ZNF831: variants seen among roughly 807,000 people sequenced by gnomAD.
The protein encoded by ZNF831 is chromosome 20 open reading frame 174.
ZNF831 carries 59 observed loss-of-function variants against 95.8 expected under a neutral mutation model. The observed-to-expected ratio is 0.62, with a 90% confidence interval of 0.50 to 0.77. The LOEUF (loss-of-function observed/expected upper bound fraction) is 0.77, where lower values mean the gene tolerates loss of function less well. Ranked by LOEUF, ZNF831 falls within the 30% of genes least tolerant of loss-of-function variation. The probability of loss-of-function intolerance (pLI) is 0.00; values close to 1 mark genes in which losing one functional copy is unlikely to be tolerated. For missense variants in ZNF831, 2,205 were observed against 2,164.0 expected, an observed-to-expected ratio of 1.02 and a Z score of -0.38; for synonymous variants, 961 against 925.5, an observed-to-expected ratio of 1.04 and a Z score of -0.70.
chr20:59,184,934 G>C (rs1247701294), intron 1 of ZNF831, among the ~76,000 whole-genome samples: 1 of 152,138 alleles, frequency 6.6e-6, no homozygotes, highest in African/African-American at 2.4e-5. Flanking sequence ...GTTTGTGGGG[G>C]GGAATTGGGA....
chr20:59,186,880 C>A (rs1337244333), intron 1 of ZNF831, among the ~76,000 whole-genome samples: 1 of 151,072 alleles, frequency 6.6e-6, no homozygotes, highest in South Asian at 2.1e-4. Context: ...GTGCAATGGT[C>A]TTCTGGGTCC....
chr20:59,241,894 C>T (rs1185715733), intron 4 of ZNF831, among the ~76,000 whole-genome samples: 2 of 152,210 alleles, frequency 1.3e-5, no homozygotes, highest in South Asian at 2.1e-4. Context: ...AAAGTACAAT[C>T]GCCTAAGTAC....
At chr20:59,186,288 C>T (rs1983027348) in intron 1 of ZNF831, among the ~76,000 whole-genome samples, 1 of 152,198 alleles carries the variant, frequency 6.6e-6, no homozygotes, top group Non-Finnish European at 1.5e-5. Context: ...CAGGAACCCA[C>T]CCCGAGACAG....
chr20:59,246,287 A>G (rs1987605778), intron 4 of ZNF831, among the ~76,000 whole-genome samples: 1 of 152,154 alleles, frequency 6.6e-6, no homozygotes, highest in African/African-American at 2.4e-5. Context: ...ACTATCCCCA[A>G]AGCTATGAAG....
chr20:59,211,049 G>GAAAAAACAAAACAA (rs1985286177), intron 4 of ZNF831, among the ~76,000 whole-genome samples: 6 of 60,732 alleles, frequency 9.9e-5, no homozygotes, highest in African/African-American at 5.8e-4. Flanking sequence ...CAAAAAAAAA[G>GAAAAAACAAAACAA]AAAAAAAAAA....
intron 2 of ZNF831, among the ~76,000 whole-genome samples, chr20:59,156,248 G>A (rs554925405): frequency 8.5e-5 from 13 of 152,266 alleles, no homozygotes; most frequent in Admixed American, 7.8e-4. Context: ...TTTTAAGTAC[G>A]TGGGCTGACT....
chr20:59,222,189 C>G (rs1171929961), intron 4 of ZNF831, among the ~76,000 whole-genome samples: 1 of 152,238 alleles, frequency 6.6e-6, no homozygotes, highest in African/African-American at 2.4e-5. Flanking sequence ...AGGAAGCGAT[C>G]AACGCAGAGC....
intron 1 of ZNF831, among the ~76,000 whole-genome samples, chr20:59,124,076 G>A (rs1979087365): frequency 6.6e-6 from 1 of 152,170 alleles, no homozygotes; most frequent in African/African-American, 2.4e-5. Context: ...GGACAAGGTG[G>A]GGTGGACTCC....
At chr20:59,147,508 T>C (rs1979936088) in intron 2 of ZNF831, among the ~76,000 whole-genome samples, 1 of 152,232 alleles carries the variant, frequency 6.6e-6, no homozygotes, top group Non-Finnish European at 1.5e-5. Context: ...CAAGGGAGAA[T>C]TGCAATTGTT....
chr20:59,164,499 T>C (rs1022096213), intron 1 of ZNF831, among the ~76,000 whole-genome samples: 2 of 151,792 alleles, frequency 1.3e-5, no homozygotes, highest in Non-Finnish European at 1.5e-5. Flanking sequence ...TTATAAACTG[T>C]TTTTTTTCCC....
At chr20:59,212,679 G>C (rs1038295077) in intron 4 of ZNF831, among the ~76,000 whole-genome samples, 3 of 152,138 alleles carry the variant, frequency 2.0e-5, no homozygotes, top group Admixed American at 2.0e-4. Flanking sequence ...AGTCATTGAT[G>C]TACCAGGGAA....
intron 4 of ZNF831, among the ~76,000 whole-genome samples, chr20:59,244,859 C>T (rs1303649976): frequency 2.0e-5 from 3 of 152,176 alleles, no homozygotes; most frequent in African/African-American, 7.2e-5. Flanking sequence ...ATCTGTTCAT[C>T]CCTTCCTTTA....
intron 2 of ZNF831, among the ~76,000 whole-genome samples, chr20:59,149,497 A>C (rs1318546394): frequency 6.6e-6 from 1 of 152,238 alleles, no homozygotes; most frequent in Non-Finnish European, 1.5e-5. Flanking sequence ...TTTGCATTGT[A>C]TCTTAAAGAT....
upstream of ZNF831, among the ~76,000 whole-genome samples, chr20:59,163,430 C>T (rs1416694530): frequency 6.6e-6 from 1 of 152,174 alleles, no homozygotes; most frequent in Non-Finnish European, 1.5e-5. Context: ...GACAGCATCG[C>T]AGAAATCTTT....
intron 4 of ZNF831, among the ~76,000 whole-genome samples, chr20:59,229,009 C>T (rs957788578): frequency 6.6e-6 from 1 of 152,182 alleles, no homozygotes; most frequent in African/African-American, 2.4e-5. Flanking sequence ...TACTCTCTAC[C>T]TCTGTGAGAT....
intron 4 of ZNF831, among the ~76,000 whole-genome samples, chr20:59,231,150 C>T (rs1568784661): frequency 6.6e-6 from 1 of 152,210 alleles, no homozygotes; most frequent in African/African-American, 2.4e-5. Flanking sequence ...CACTGCCTCT[C>T]ATATCGCTTT....
chr20:59,201,649 T>C (rs139796823), intron 3 of ZNF831, among the ~76,000 whole-genome samples: 1 of 152,352 alleles, frequency 6.6e-6, no homozygotes, highest in East Asian at 1.9e-4. Context: ...TTACATATGG[T>C]GTGATGTATG....
At chr20:59,137,228 T>C (rs78153231) in intron 1 of ZNF831, among the ~76,000 whole-genome samples, 1 of 152,102 alleles carries the variant, frequency 6.6e-6, no homozygotes, top group Non-Finnish European at 1.5e-5. Flanking sequence ...AAAATCCAGA[T>C]TTTTTAGAAG....
chr20:59,249,251 C>A (rs986720869), intron 4 of ZNF831, among the ~76,000 whole-genome samples: 1 of 152,166 alleles, frequency 6.6e-6, no homozygotes, highest in African/African-American at 2.4e-5. Context: ...ATTAAGCCCC[C>A]TCATTACTCT....
Sources: gnomAD v4.1 joint callset for allele counts (sites outside exome capture counted in the v4.1 genomes callset) on GRCh38, gnomAD v4.1.1 for gene constraint, MANE v1.5 for transcripts, NCBI Gene and HGNC (gene_info 2026-07-23, HGNC 2026-07-21) for gene names.